The following SRGAP3 variants were observed in gnomAD, a reference collection of about 807,000 sequenced individuals.
The protein encoded by SRGAP3 is SLIT-ROBO Rho GTPase-activating protein 3.
SRGAP3 carries 39 observed loss-of-function variants against 121.1 expected under a neutral mutation model. That is an observed-to-expected ratio of 0.32 (90% CI 0.25 to 0.42). SRGAP3 has a LOEUF of 0.42. Among genes scored for constraint, SRGAP3 ranks in the 10% least tolerant of loss-of-function variants. The pLI, the probability that SRGAP3 is intolerant of heterozygous loss-of-function variation, is 1.00. For synonymous variants in SRGAP3, 601 were observed against 570.0 expected (o/e 1.05, Z -0.77); for missense variants, 1,213 against 1,470.6 (o/e 0.82, Z 2.86).
At chr3:9,203,576 C>T (rs531482251) in intron 1 of SRGAP3, among the ~76,000 whole-genome samples, 83 of 152,294 alleles carry the variant, frequency 5.4e-4, no homozygotes, top group African/African-American at 1.8e-3. Flanking sequence ...CTCCTGCACC[C>T]TCTGCCCACA....
At chr3:8,987,401 T>A (rs1941775640) in intron 21 of SRGAP3, among the ~76,000 whole-genome samples, 1 of 151,088 alleles carries the variant, frequency 6.6e-6, no homozygotes, top group South Asian at 2.1e-4. Flanking sequence ...TAAGACAGGC[T>A]TGCTTTATTG....
At chr3:9,025,224 C>T in intron 14 of SRGAP3, 37 bp downstream of exon 14, 1 of 1,610,960 alleles carries the variant, frequency 6.2e-7, no homozygotes, top group East Asian at 2.2e-5. Context: ...CCTGGCTTCC[C>T]CTGGCCACAA....
intron 3 of SRGAP3, among the ~76,000 whole-genome samples, chr3:9,082,235 T>A (rs1947280861): frequency 6.6e-6 from 1 of 152,230 alleles, no homozygotes; most frequent in Admixed American, 6.5e-5. Context: ...CAGGAGCAGA[T>A]GCCTGTGCTA....
intron 1 of SRGAP3, among the ~76,000 whole-genome samples, chr3:9,343,237 G>A (rs915816694): frequency 6.6e-6 from 1 of 152,170 alleles, no homozygotes; most frequent in Non-Finnish European, 1.5e-5. Context: ...ATACTTTAAG[G>A]ATATGGAAGA....
At chr3:9,034,605 A>G (rs1300777731) in intron 11 of SRGAP3, 1 of 152,270 alleles carries the variant, frequency 6.6e-6, no homozygotes, top group African/African-American at 2.4e-5. Context: ...AACAATGGAA[A>G]CAAAATAACA....
At chr3:9,226,026 C>T (rs1157311298) in intron 1 of SRGAP3, among the ~76,000 whole-genome samples, 1 of 152,144 alleles carries the variant, frequency 6.6e-6, no homozygotes, top group East Asian at 1.9e-4. Flanking sequence ...CTGGATCGGG[C>T]CCATGTGCTG....
intron 1 of SRGAP3, among the ~76,000 whole-genome samples, chr3:9,127,520 T>A (rs1046674456): frequency 2.0e-5 from 3 of 152,148 alleles, no homozygotes; most frequent in Non-Finnish European, 4.4e-5. Flanking sequence ...CGATCTCCAC[T>A]CACTGCAACC....
intron 9 of SRGAP3, among the ~76,000 whole-genome samples, chr3:9,051,036 T>A (rs1381883498): frequency 1.4e-5 from 2 of 139,600 alleles, no homozygotes; most frequent in African/African-American, 5.5e-5. Context: ...TTTTTTTTTT[T>A]TTTTTTTTTT....
chr3:9,199,202 G>A (rs1444063044), intron 1 of SRGAP3, among the ~76,000 whole-genome samples: 1 of 152,142 alleles, frequency 6.6e-6, no homozygotes, highest in Non-Finnish European at 1.5e-5. Context: ...TTTGCAATGG[G>A]CTTAATCATC....
chr3:9,017,706 C>G (rs1196444533), intron 14 of SRGAP3, among the ~76,000 whole-genome samples: 1 of 152,056 alleles, frequency 6.6e-6, no homozygotes, highest in Non-Finnish European at 1.5e-5. Context: ...TAATAGAAAC[C>G]ATTGAAATGC....
chr3:9,230,774 G>A (rs1953175356), intron 1 of SRGAP3, among the ~76,000 whole-genome samples: 2 of 151,688 alleles, frequency 1.3e-5, no homozygotes, highest in Admixed American at 1.3e-4. Flanking sequence ...GCAGGAGTCT[G>A]AGGCAGGATT....
intron 19 of SRGAP3, 123 bp from the exon 20 acceptor site, chr3:8,993,178 G>A (rs1359136728): frequency 2.0e-6 from 3 of 1,487,378 alleles, no homozygotes; most frequent in Admixed American, 3.7e-5. Flanking sequence ...TGTGCCCACA[G>A]CGCTTGCTAG....
chr3:9,045,796 G>C (rs748435827), intron 10 of SRGAP3, among the ~76,000 whole-genome samples: 1 of 152,150 alleles, frequency 6.6e-6, no homozygotes, highest in Non-Finnish European at 1.5e-5. Flanking sequence ...TTTCAAAAAT[G>C]CAAGTAGCCA....
intron 6 of SRGAP3, 192 bp from the exon 7 acceptor site, chr3:9,058,664 T>C (rs1211717127): frequency 1.6e-6 from 1 of 609,404 alleles, no homozygotes; most frequent in Non-Finnish European, 2.9e-6. Flanking sequence ...CGGTTGAGAT[T>C]TGGGCAATAG....
intron 3 of SRGAP3, among the ~76,000 whole-genome samples, chr3:9,281,998 A>G (rs1954688909): frequency 6.6e-6 from 1 of 152,240 alleles, no homozygotes; most frequent in African/African-American, 2.4e-5. Context: ...GGCAAAGCCA[A>G]TGACTTCTGC....
Position 8,985,231 on chromosome 3 carries a change from GAAGCC to G in SRGAP3, c.*283_*287del. 1 of 518,646 alleles carries G rather than the reference GAAGCC, an allele frequency of 1.9e-6. No homozygotes were observed. Among genetic ancestry groups the G allele is most frequent in the Non-Finnish European group, 3.4e-6 (1 of 293,622 alleles). 32.1% of individuals were successfully genotyped at this position (518,646 alleles called of 1,614,324 possible). A position where few individuals can be genotyped will look rare whatever the true frequency, so the allele number is the denominator to read the frequency against. On this transcript the variant is annotated 3_prime_UTR_variant, in exon 22 of 22. Transcript: ENST00000383836. The surrounding 1 kb of genome is among the most constrained non-coding windows in gnomAD (Gnocchi z 5.1). The stretch of plus-strand genomic sequence containing the variant: ...AAGTTTCCAGTGACGATATGCGGGA[GAAGCC>G]ATGTGGTATTTTGCCTCCATGTTAG...
At chr3:9,303,064 G>A (rs994222913) in intron 3 of SRGAP3, among the ~76,000 whole-genome samples, 5 of 150,012 alleles carry the variant, frequency 3.3e-5, no homozygotes, top group African/African-American at 1.3e-4. Flanking sequence ...ACACTGCCTC[G>A]ATTTTTTCTT....
intron 1 of SRGAP3, among the ~76,000 whole-genome samples, chr3:9,171,012 C>T (rs1453791704): frequency 2.0e-5 from 3 of 152,236 alleles, no homozygotes; most frequent in Non-Finnish European, 4.4e-5. Context: ...CTGATCCTGG[C>T]CTTGGGCAGT....
intron 14 of SRGAP3, among the ~76,000 whole-genome samples, chr3:9,020,951 C>T (rs971859653): frequency 1.3e-5 from 2 of 152,246 alleles, no homozygotes; most frequent in Non-Finnish European, 2.9e-5. Context: ...TTGCCAAAGG[C>T]TTTAAGACAG....
Sources: gnomAD v4.1 joint callset for allele counts (sites outside exome capture counted in the v4.1 genomes callset) on GRCh38, gnomAD v4.1.1 for gene constraint, Gnocchi (gnomAD v3.1) non-coding constraint, MANE v1.5 for transcripts, NCBI Gene and HGNC (gene_info 2026-07-23, HGNC 2026-07-21) for gene names.